SPDYE3: variants seen among roughly 807,000 people sequenced by gnomAD.
SPDYE3 encodes speedy protein E3.
Under a neutral mutation model 55.0 loss-of-function variants are expected in SPDYE3, and 15 were observed. That is an observed-to-expected ratio of 0.27 (90% CI 0.18 to 0.42). The LOEUF (loss-of-function observed/expected upper bound fraction) is 0.42. SPDYE3 is among the 10% of genes least tolerant of loss of function. The probability of loss-of-function intolerance (pLI) is 1.00; values close to 1 mark genes in which losing one functional copy is unlikely to be tolerated. For missense variants in SPDYE3, 236 were observed against 576.7 expected (o/e 0.41, Z 6.05); for synonymous variants, 89 against 229.9 (o/e 0.39, Z 5.55).
rs1789581561 is a variant in SPDYE3, at chr7:100,321,543, C to A, written c.*698C>A. Reference sequence around the variant, plus strand: ...AATCTTTTATTATCTTTAAATTTTTCTCTGTATTATTATATGTGCTCCTGA... The same window carrying A: ...AATCTTTTATTATCTTTAAATTTTTATCTGTATTATTATATGTGCTCCTGA... On this transcript the variant is annotated 3_prime_UTR_variant, in exon 11 of 11. Coordinates refer to ENST00000332397, the MANE Select transcript of SPDYE3 (RefSeq NM_001004351.5). 6.3e-6 allele frequency: 1 copy of A among 159,566 alleles called. No homozygotes were observed. Among genetic ancestry groups the A allele is most frequent in the African/African-American group, 2.4e-5 (1 of 41,136 alleles). 9.9% of individuals were successfully genotyped at this position (159,566 alleles called of 1,614,324 possible).
At chr7:100,315,142 A>G (rs1806068752) in intron 6 of SPDYE3, among the ~76,000 whole-genome samples, 1 of 151,920 alleles carries the variant, frequency 6.6e-6, no homozygotes, top group Non-Finnish European at 1.5e-5. Flanking sequence ...GGCTGGGCAC[A>G]GTAGCTCATG....
chr7:100,319,525 T>C (rs1471655905), intron 8 of SPDYE3, 40 bp from the exon 9 acceptor site: 2 of 1,613,744 alleles, frequency 1.2e-6, no homozygotes, highest in Non-Finnish European at 1.7e-6. Flanking sequence ...AGGTCTCTCC[T>C]GGTGGTGCCC....
chr7:100,320,349 G>T (rs1789553043), intron 10 of SPDYE3: 1 of 1,072,624 alleles, frequency 9.3e-7, no homozygotes, highest in African/African-American at 1.6e-5. Flanking sequence ...GTTCGGGGAG[G>T]TTCTTTATGA....
At chr7:100,312,435 T>G (rs1584997491) in intron 4 of SPDYE3, among the ~76,000 whole-genome samples, 1 of 125,892 alleles carries the variant, frequency 7.9e-6, no homozygotes. Flanking sequence ...AGGAAGAGGG[T>G]GCAGTGAGCC....
In SPDYE3 at chr7:100,307,925, C is replaced by T; in HGVS notation, c.40C>T (p.Pro14Ser). Residue 14 changes from proline (P) to serine (S), a missense_variant, in exon 1 of 11, where the codon CCC (proline) becomes TCC (serine). Transcript: ENST00000332397. ...ACCGCAGCCCCAGGAAGAGCAGAGC[C>T]CCCAGCGGAGCACCTCAGGGTACCC... ...HQPQPQEEQSPQRSTSGYPLQ... is the reference protein window; with the variant it reads ...HQPQPQEEQSSQRSTSGYPLQ... 6.3e-7 allele frequency: 1 copy of T among 1,585,352 alleles called. No homozygotes were observed. The highest frequency in any genetic ancestry group is 1.1e-5 in the South Asian group (1 of 89,010).
rs1017184263 is a variant in SPDYE3, at chr7:100,321,330, A to AT, written c.*489dup. ...ACAGATAGCTTCATGCACACTATGC[A>AT]TTTTATTGGTTTGTTTGGAAAATGT... On this transcript the variant is annotated 3_prime_UTR_variant, in exon 11 of 11. Transcript: ENST00000332397. The AT allele has an allele frequency of 1.3e-5, 4 of 317,802 alleles. No homozygotes were observed. Among genetic ancestry groups the AT allele is most frequent in the African/African-American group, 6.6e-5 (3 of 45,240 alleles). The allele number at this position is 317,802 out of a possible 1,614,324, so 19.7% of individuals were successfully genotyped here. A position where few individuals can be genotyped will look rare whatever the true frequency, so the allele number is the denominator to read the frequency against.
At position 100,321,370 on chromosome 7, in the gene SPDYE3, T is replaced by C; in HGVS notation, c.*525T>C. ...TTGGAAAATGTTGGCCATTGAATCA[T>C]TAATAGGTTTATTTCAAATAGTTTG... On this transcript the variant is annotated 3_prime_UTR_variant, in exon 11 of 11. Coordinates refer to ENST00000332397, the MANE Select transcript of SPDYE3 (RefSeq NM_001004351.5). 1.0e-5 allele frequency: 3 copies of C among 297,132 alleles called. No individual in the cohort carries two copies. The highest frequency in any genetic ancestry group is 8.7e-5 in the South Asian group (3 of 34,414). 18.4% of individuals were successfully genotyped at this position (297,132 alleles called of 1,614,324 possible).
chr7:100,316,953 T>C lies in SPDYE3; in HGVS notation c.1261-117T>C, dbSNP rs3991532. ...TTCCACATGAGCACAGTCACCCCAA[T>C]GCTGAGGTCCCTTCTCTGATGGGCA... On this transcript the variant is annotated intron_variant, in intron 7 of 10. Transcript: ENST00000332397. 2.2e-5 allele frequency: 32 copies of C among 1,450,154 alleles called. No individual in the cohort carries two copies. The Admixed American group carries it at 4.5e-4, about 21-fold the overall frequency. The allele number at this position is 1,450,154 out of a possible 1,614,324, so 89.8% of individuals were successfully genotyped here.
chr7:100,308,347 A>AG (rs996334919), intron 1 of SPDYE3, among the ~76,000 whole-genome samples: 1 of 149,948 alleles, frequency 6.7e-6, no homozygotes, highest in African/African-American at 2.5e-5. Flanking sequence ...AAAAAAAAAA[A>AG]AAGAAGAAGA....
intron 8 of SPDYE3, among the ~76,000 whole-genome samples, chr7:100,318,050 C>T (rs140048312): frequency 0.021 from 3,203 of 151,676 alleles, 61 homozygotes; most frequent in Non-Finnish European, 0.029. Flanking sequence ...ACAAAAGGAG[C>T]GGAGGAGCGG....
Position 100,318,887 on chromosome 7 carries a change from G to GTTTATTTAT in SPDYE3, c.1347-676_1347-675insTATTTATTT, listed in dbSNP as rs1554445172. ...AGGGCTGTGCCACCACACCTGGACA[G>GTTTATTTAT]TTATTTATTTATTTATTTATTTATT... On this transcript the variant is annotated intron_variant, in intron 8 of 10. Transcript: ENST00000332397. 4.5e-4 allele frequency among the ~76,000 whole-genome samples: 63 copies of GTTTATTTAT among 140,670 alleles called. 1 individual carries two copies. The highest frequency in any genetic ancestry group is 8.5e-4 in the East Asian group (4 of 4,692). The allele number at this position is 140,670 out of a possible 152,430, so 92.3% of individuals were successfully genotyped here.
chr7:100,320,117 T>C, intron 10 of SPDYE3, 82 bp downstream of exon 10: 1 of 1,563,150 alleles, frequency 6.4e-7, no homozygotes, highest in Non-Finnish European at 8.6e-7. Context: ...TTGATCTGGC[T>C]TCAAGCCTCG....
In SPDYE3 at chr7:100,307,988, T is replaced by A. The variant is rs1371821170; in HGVS notation, c.103T>A (p.Ser35Thr). The A allele has an allele frequency of 1.3e-6, 2 of 1,552,414 alleles. No individual in the cohort carries two copies. Among genetic ancestry groups the A allele is most frequent in the Non-Finnish European group, 1.7e-6 (2 of 1,156,866 alleles). The stretch of plus-strand genomic sequence containing the variant: ...GGTGGATGATGAAGTGTCGGGACCA[T>A]CAGGTGAGGGGACTGGAGGAAGAAG... ...EVVDDEVSGP[S>T]APGVDPSPPR... Residue 35 changes from serine (S) to threonine (T), a missense_variant, in exon 1 of 11, where the codon TCA becomes ACA. Transcript: ENST00000332397.
At chr7:100,317,936 A>G (rs1806146792) in intron 8 of SPDYE3, among the ~76,000 whole-genome samples, 2 of 146,488 alleles carry the variant, frequency 1.4e-5, no homozygotes. Context: ...AGATTGCACC[A>G]CTGCACTCCA....
At chr7:100,319,190 C>T (rs532888912) in intron 8 of SPDYE3, among the ~76,000 whole-genome samples, 68 of 152,150 alleles carry the variant, frequency 4.5e-4, no homozygotes, top group Non-Finnish European at 8.2e-4. Context: ...GGATTACAGG[C>T]ATGAGCCACC....
intron 8 of SPDYE3, among the ~76,000 whole-genome samples, chr7:100,318,925 T>TATCA (rs1193017510): frequency 1.3e-5 from 2 of 148,638 alleles, no homozygotes; most frequent in Non-Finnish European, 3.0e-5. Context: ...TTTATTTATT[T>TATCA]ATCAAGACAA....
At chr7:100,320,284 C>T (rs1198681301) in intron 10 of SPDYE3, 3 of 1,094,454 alleles carry the variant, frequency 2.7e-6, no homozygotes, top group Non-Finnish European at 3.7e-6. Flanking sequence ...TGCCACTGCA[C>T]TCCAGCCGGG....
chr7:100,310,135 C>G (rs1320889629), intron 2 of SPDYE3, among the ~76,000 whole-genome samples: 1 of 137,428 alleles, frequency 7.3e-6, no homozygotes, highest in Non-Finnish European at 1.6e-5. Flanking sequence ...GAGCCAGGGA[C>G]CAGGGAACGA....
chr7:100,315,774 T>A lies in SPDYE3; in HGVS notation c.1202-11T>A. The A allele has an allele frequency of 1.9e-6, 3 of 1,598,520 alleles. No individual in the cohort carries two copies. Among genetic ancestry groups the A allele is most frequent in the Non-Finnish European group, 2.5e-6 (3 of 1,179,734 alleles). ...CTGCTTCTCACGCTGACATCTGCTC[T>A]CTAATCACAGAGGATCCTGTCATTA... On this transcript the variant is annotated splice_polypyrimidine_tract_variant and intron_variant, in intron 6 of 10. Transcript: ENST00000332397.
Sources: allele counts gnomAD v4.1 joint callset (sites outside exome capture counted in the v4.1 genomes callset), GRCh38; gene constraint gnomAD v4.1.1; transcripts MANE v1.5; gene names NCBI Gene and HGNC (gene_info 2026-07-23, HGNC 2026-07-21).